The following SAMD5 variants were observed in gnomAD, a reference collection of about 807,000 sequenced individuals.
SAMD5 encodes sterile alpha motif domain containing 5.
In SAMD5, 13 loss-of-function variants were observed where a neutral mutation model predicts 11.3. The ratio of observed to expected loss-of-function variants is 1.15; its 90% CI spans 0.75 to 1.83. SAMD5 has a LOEUF of 1.83. Ranked by LOEUF, SAMD5 falls within the 40% of genes most tolerant of loss-of-function variation. The pLI, the probability that SAMD5 is intolerant of heterozygous loss-of-function variation, is 0.00. For missense variants in SAMD5, 255 were observed against 239.1 expected (o/e 1.07, Z -0.44); for synonymous variants, 129 against 111.3 (o/e 1.16, Z -1.00).
the SAMD5 span, among the ~76,000 whole-genome samples, chr6:147,877,720 C>T: frequency 2.0e-5 from 3 of 151,986 alleles, no homozygotes; most frequent in East Asian, 5.8e-4. Flanking sequence ...GAGGTTTGTG[C>T]AAGAAGAAAG....
chr6:147,823,324 G>T, the SAMD5 span, among the ~76,000 whole-genome samples: 18 of 152,048 alleles, frequency 1.2e-4, no homozygotes, highest in African/African-American at 1.9e-4. Flanking sequence ...TCCTCCAAGG[G>T]TATCATATCA....
Position 147,728,205 on chromosome 6 carries a change from TG to T in SAMD5, c.163-9111del, listed in dbSNP as rs1791657209. Among the ~76,000 whole-genome samples, 4 of 152,172 alleles carry T rather than the reference TG, an allele frequency of 2.6e-5. 1 individual carries two copies. The South Asian group carries it at 8.3e-4, about 32-fold the overall frequency. On this transcript the variant is annotated intron_variant, in intron 1 of 1. Transcript: ENST00000566741. ...CTTTGGGAGAACGAGGTGGGCAAAT[TG>T]CTTGAGGTCAGGAGTTTGAGACCAG...
chr6:147,565,281 C>T lies in SAMD5; in HGVS notation c.*825C>T. The T allele has an allele frequency of 1.0e-6, 1 of 985,894 alleles. No individual in the cohort carries two copies. The allele number at this position is 985,894 out of a possible 1,614,324, so 61.1% of individuals were successfully genotyped here. ...AGCTGCAGTGCTTTATCCCACCTTGCTCTCCAGGCTTCTGACTTCAGGCCT... is the reference window on the plus strand; with the variant it reads ...AGCTGCAGTGCTTTATCCCACCTTGTTCTCCAGGCTTCTGACTTCAGGCCT... On this transcript the variant is annotated 3_prime_UTR_variant, in exon 2 of 2. Coordinates refer to ENST00000367474, the MANE Select transcript of SAMD5 (RefSeq NM_001030060.3).
intron 1 of SAMD5, among the ~76,000 whole-genome samples, chr6:147,580,231 G>C (rs1789277049): frequency 6.6e-6 from 1 of 152,196 alleles, no homozygotes; most frequent in Non-Finnish European, 1.5e-5. Context: ...AGTGTAACCT[G>C]AGAAAGAACC....
At chr6:147,723,734 A>G (rs1245293669) in intron 1 of SAMD5, among the ~76,000 whole-genome samples, 7 of 152,204 alleles carry the variant, frequency 4.6e-5, no homozygotes, top group Admixed American at 2.6e-4. Context: ...TATCCTGCCA[A>G]CAGCAGAACA....
the SAMD5 span, among the ~76,000 whole-genome samples, chr6:147,922,428 G>A: frequency 6.6e-6 from 1 of 152,184 alleles, no homozygotes; most frequent in Admixed American, 6.5e-5. Flanking sequence ...CCGGGTGTAT[G>A]TGGGTTGTTA....
chr6:147,877,895 CTAGA>C, the SAMD5 span, among the ~76,000 whole-genome samples: 27 of 59,872 alleles, frequency 4.5e-4, no homozygotes, highest in South Asian at 1.1e-3. Context: ...AGATAGATAG[CTAGA>C]TAGATAGATA....
At chr6:147,821,627 A>T in the SAMD5 span, among the ~76,000 whole-genome samples, 1 of 152,230 alleles carries the variant, frequency 6.6e-6, no homozygotes, top group Admixed American at 6.5e-5. Flanking sequence ...GTTTGAGATT[A>T]TGCTCTGGTG....
At chr6:147,639,997 G>C (rs1790286041) in intron 1 of SAMD5, among the ~76,000 whole-genome samples, 1 of 152,060 alleles carries the variant, frequency 6.6e-6, no homozygotes, top group African/African-American at 2.4e-5. Flanking sequence ...GAATTGTTCA[G>C]CTGCCGTCAC....
chr6:147,826,539 G>A, the SAMD5 span, among the ~76,000 whole-genome samples: 12 of 152,194 alleles, frequency 7.9e-5, no homozygotes, highest in South Asian at 1.5e-3. Flanking sequence ...TTACTCCTCC[G>A]AAGATCACCA....
chr6:147,892,232 C>G, the SAMD5 span, among the ~76,000 whole-genome samples: 1 of 152,172 alleles, frequency 6.6e-6, no homozygotes, highest in Admixed American at 6.6e-5. Flanking sequence ...AGTGGAGATT[C>G]TGGAAATACA....
At chr6:147,663,305 CTG>C (rs1253811041) in intron 1 of SAMD5, among the ~76,000 whole-genome samples, 1 of 152,030 alleles carries the variant, frequency 6.6e-6, no homozygotes, top group East Asian at 1.9e-4. Context: ...CTAACACACT[CTG>C]AGGCCTTTTG....
chr6:147,538,693 CAA>C (rs1788552414), intron 1 of SAMD5, among the ~76,000 whole-genome samples: 1 of 152,130 alleles, frequency 6.6e-6, no homozygotes, highest in Non-Finnish European at 1.5e-5. Context: ...AAACAATTTT[CAA>C]AAGTTAAAGA....
the SAMD5 span, among the ~76,000 whole-genome samples, chr6:147,825,128 C>T: frequency 6.6e-6 from 1 of 152,120 alleles, no homozygotes; most frequent in African/African-American, 2.4e-5. Context: ...GAAACCCCGT[C>T]TCTACTAAAA....
the SAMD5 span, among the ~76,000 whole-genome samples, chr6:147,858,210 C>G: frequency 6.6e-6 from 1 of 152,022 alleles, no homozygotes; most frequent in Non-Finnish European, 1.5e-5. Flanking sequence ...TAAATGAACC[C>G]GATCGCTGTT....
At chr6:147,665,675 G>A (rs9399614) in intron 1 of SAMD5, among the ~76,000 whole-genome samples, 129,351 of 152,176 alleles carry the variant, frequency 0.85, 56,786 homozygotes, top group South Asian at 0.96. Flanking sequence ...AGCCCCTGAA[G>A]CATCAACAGA....
At chr6:147,533,339 G>A (rs1217507660) in intron 1 of SAMD5, among the ~76,000 whole-genome samples, 1 of 151,694 alleles carries the variant, frequency 6.6e-6, no homozygotes, top group African/African-American at 2.4e-5. Context: ...GCTCCTGCCT[G>A]TAATTTCAGC....
the SAMD5 span, among the ~76,000 whole-genome samples, chr6:147,861,165 T>C: frequency 6.9e-6 from 1 of 144,828 alleles, no homozygotes; most frequent in African/African-American, 2.5e-5. Context: ...CTCACTGTGA[T>C]TATTTCTTTT....
chr6:147,596,677 C>CA (rs1789536431), intron 1 of SAMD5, among the ~76,000 whole-genome samples: 1 of 152,186 alleles, frequency 6.6e-6, no homozygotes, highest in African/African-American at 2.4e-5. Flanking sequence ...ATAAACATCA[C>CA]TTAGATTTAC....
Sources: gnomAD v4.1 joint callset for allele counts (sites outside exome capture counted in the v4.1 genomes callset) on GRCh38, gnomAD v4.1.1 for gene constraint, MANE v1.5 for transcripts, NCBI Gene and HGNC (gene_info 2026-07-23, HGNC 2026-07-21) for gene names.